The following HEATR4 variants were observed in gnomAD, a reference collection of about 807,000 sequenced individuals.
HEATR4 encodes HEAT repeat-containing protein 4.
In HEATR4, 95 loss-of-function variants were observed where a neutral mutation model predicts 108.8. That is an observed-to-expected ratio of 0.87 (90% CI 0.74 to 1.04). The LOEUF (loss-of-function observed/expected upper bound fraction) is 1.04, where lower values mean the gene tolerates loss of function less well. HEATR4 is among the 50% of genes least tolerant of loss of function. The pLI is 0.00. For missense variants in HEATR4, 1,152 were observed against 1,253.8 expected, an observed-to-expected ratio of 0.92 and a Z score of 1.23; for synonymous variants, 443 against 459.4, an observed-to-expected ratio of 0.96 and a Z score of 0.46.
intron 1 of HEATR4, among the ~76,000 whole-genome samples, chr14:73,530,794 A>ATC (rs1888664831): frequency 1.7e-5 from 1 of 57,788 alleles, no homozygotes; most frequent in Non-Finnish European, 3.2e-5. Context: ...TCTCGGTTAA[A>ATC]TTTTTTTTTT....
the HEATR4 span, among the ~76,000 whole-genome samples, chr14:73,621,337 C>G: frequency 6.6e-6 from 1 of 152,138 alleles, no homozygotes. Flanking sequence ...TGGAGGAATG[C>G]CTTGATGCCA....
intron 1 of HEATR4, among the ~76,000 whole-genome samples, chr14:73,548,026 C>G (rs1436542759): frequency 8.7e-6 from 1 of 115,248 alleles, no homozygotes; most frequent in African/African-American, 2.8e-5. Flanking sequence ...TCCTGGGGGC[C>G]CAACCCATCC....
At chr14:73,565,388 CTTTT>C in the HEATR4 span, among the ~76,000 whole-genome samples, 3 of 139,756 alleles carry the variant, frequency 2.1e-5, no homozygotes, top group African/African-American at 2.6e-5. Context: ...TTTTCTTTTC[CTTTT>C]TTTTTTTTTT....
upstream of HEATR4, among the ~76,000 whole-genome samples, chr14:73,560,431 G>C (rs1595165135): frequency 6.6e-6 from 1 of 151,916 alleles, no homozygotes; most frequent in Non-Finnish European, 1.5e-5. Flanking sequence ...TGGGAGGCAA[G>C]TTGGGCGGAT....
At chr14:73,583,192 A>G in the HEATR4 span, among the ~76,000 whole-genome samples, 1 of 151,968 alleles carries the variant, frequency 6.6e-6, no homozygotes, top group Non-Finnish European at 1.5e-5. Context: ...AAATACAAAA[A>G]TTAGCCGAGT....
chr14:73,542,611 G>C (rs1889126043), intron 1 of HEATR4, among the ~76,000 whole-genome samples: 1 of 107,326 alleles, frequency 9.3e-6, no homozygotes, highest in Non-Finnish European at 2.0e-5. Context: ...TCACCATATT[G>C]GCCAGGCTGG....
At chr14:73,599,280 G>A in the HEATR4 span, among the ~76,000 whole-genome samples, 2 of 152,122 alleles carry the variant, frequency 1.3e-5, no homozygotes, top group Admixed American at 1.3e-4. Flanking sequence ...GCAGATTTGT[G>A]AGCAAAATAG....
the HEATR4 span, among the ~76,000 whole-genome samples, chr14:73,629,530 C>T: frequency 6.6e-6 from 1 of 152,134 alleles, no homozygotes; most frequent in African/African-American, 2.4e-5. Context: ...GGCTCTAGTG[C>T]CTTCCAGCTT....
Position 73,514,136 on chromosome 14 carries a change from T to G in HEATR4, c.1309A>C (p.Thr437Pro), listed in dbSNP as rs1887441341. 1.9e-6 allele frequency: 3 copies of G among 1,614,140 alleles called. No homozygotes were observed. Among genetic ancestry groups the G allele is most frequent in the Non-Finnish European group, 2.5e-6 (3 of 1,180,032 alleles). Residue 437 changes from threonine (T) to proline (P), a missense_variant, in exon 6 of 18, where the codon ACC becomes CCC. Physicochemically the swap from Thr to Pro is conservative, Grantham distance 38 (BLOSUM62 -1). Transcript: ENST00000553558. ...QVGEKDVPIK[T>P]RRLKKQAKSL... is the part of the protein sequence containing the mutation. ...TTTGCCTGCTTCTTCAATCTCCTGG[T>G]CTTAATAGGCACATCCTTCTCACCC...
chr14:73,525,226 G>A (rs1439962304), intron 2 of HEATR4, among the ~76,000 whole-genome samples: 1 of 152,004 alleles, frequency 6.6e-6, no homozygotes, highest in Non-Finnish European at 1.5e-5. Flanking sequence ...TAGAGATGGG[G>A]TCTCACTATG....
At chr14:73,602,654 T>C in the HEATR4 span, among the ~76,000 whole-genome samples, 1 of 152,236 alleles carries the variant, frequency 6.6e-6, no homozygotes, top group African/African-American at 2.4e-5. Context: ...CCAGGGATCC[T>C]GGCAGGCTAC....
chr14:73,591,236 G>C, the HEATR4 span, among the ~76,000 whole-genome samples: 1 of 150,050 alleles, frequency 6.7e-6, no homozygotes, highest in East Asian at 2.0e-4. Context: ...GACAGAGAGA[G>C]ACCCTGTCTC....
Position 73,543,169 on chromosome 14 carries a change from T to C in HEATR4, c.-151-12925A>G, listed in dbSNP as rs770969825. 7 of 1,605,154 alleles carry C rather than the reference T, an allele frequency of 4.4e-6. 1 individual carries two copies. In the South Asian group the frequency reaches 7.7e-5, roughly 18 times the overall value. The stretch of plus-strand genomic sequence containing the variant: ...TCGTCATCAACGGCTCTGTGGCCAA[T>C]GTTGGGGGAACCTTACGCTACAAGG... On this transcript the variant is annotated intron_variant, in intron 1 of 17. Coordinates refer to ENST00000553558, the MANE Select transcript of HEATR4 (RefSeq NM_001220484.1).
At position 73,491,244 on chromosome 14, in the gene HEATR4, G is replaced by A. The variant is rs748568122; in HGVS notation, c.2844+1822C>T. On this transcript the variant is annotated intron_variant, in intron 17 of 17. Coordinates refer to ENST00000553558, the MANE Select transcript of HEATR4 (RefSeq NM_001220484.1). ...GTGGAGTCGACGGCCGACGACCTGGGGGACGCGCTACCCGGTGGGGCGGCG... is the reference window on the plus strand; with the variant it reads ...GTGGAGTCGACGGCCGACGACCTGGAGGACGCGCTACCCGGTGGGGCGGCG... 4.4e-6 allele frequency: 7 copies of A among 1,586,488 alleles called. No individual in the cohort carries two copies. In the East Asian group the frequency reaches 1.6e-4, roughly 37 times the overall value.
At chr14:73,501,318 G>C (rs1469575668) in intron 11 of HEATR4, among the ~76,000 whole-genome samples, 2 of 151,924 alleles carry the variant, frequency 1.3e-5, no homozygotes, top group African/African-American at 2.4e-5. Flanking sequence ...GTAGAGATGG[G>C]GTTTCACTAT....
rs529756482 is a variant in HEATR4, at chr14:73,551,409, G to C, written c.-152+7342C>G. Among the ~76,000 whole-genome samples the C allele has an allele frequency of 7.3e-4, 84 of 114,928 alleles. 15 individuals carry two copies. The highest frequency in any genetic ancestry group is 2.2e-3 in the African/African-American group (79 of 35,368). The allele number at this position is 114,928 out of a possible 152,430, so 75.4% of individuals were successfully genotyped here. On this transcript the variant is annotated intron_variant, in intron 1 of 17. Transcript: ENST00000553558. ...TGAAAATTCGCAGTTGGTGCCAGAG[G>C]GCCAGAGTGAGACAAGCTCCTGATG...
chr14:73,541,468 G>A, intron 1 of HEATR4: 1 of 1,242,034 alleles, frequency 8.1e-7, no homozygotes, highest in South Asian at 1.4e-5. Context: ...GCTTAGTTTT[G>A]CATTTTGTTT....
the HEATR4 span, among the ~76,000 whole-genome samples, chr14:73,630,206 C>T: frequency 2.0e-5 from 3 of 152,056 alleles, no homozygotes; most frequent in Admixed American, 2.0e-4. Flanking sequence ...CACAGCCCTC[C>T]TGCACAAATA....
the HEATR4 span, chr14:73,595,508 C>T: frequency 6.2e-7 from 1 of 1,613,736 alleles, no homozygotes; most frequent in Non-Finnish European, 8.5e-7. Flanking sequence ...CCCAGCTTCC[C>T]TTCACAGATT....
Sources: gnomAD v4.1 joint callset for allele counts (sites outside exome capture counted in the v4.1 genomes callset) on GRCh38, gnomAD v4.1.1 for gene constraint, MANE v1.5 for transcripts, NCBI Gene and HGNC (gene_info 2026-07-23, HGNC 2026-07-21) for gene names.